Variants in RIPOR2 observed in about 807,000 individuals in gnomAD.
RIPOR2 encodes rho family-interacting cell polarization regulator 2.
A neutral mutation model predicts 114.5 loss-of-function variants in RIPOR2; 39 were observed. The observed-to-expected ratio is 0.34, with a 90% CI of 0.26 to 0.44. The LOEUF (loss-of-function observed/expected upper bound fraction) is 0.44. Among genes scored for constraint, RIPOR2 ranks in the 20% least tolerant of loss-of-function variants. The probability of loss-of-function intolerance (pLI) is 1.00; values close to 1 mark genes in which losing one functional copy is unlikely to be tolerated. For synonymous variants in RIPOR2, 445 were observed against 484.4 expected, an observed-to-expected ratio of 0.92 and a Z score of 1.07; for missense variants, 1,007 against 1,255.1, an observed-to-expected ratio of 0.80 and a Z score of 2.99.
At chr6:24,924,418 T>C (rs1010401452) in intron 1 of RIPOR2, among the ~76,000 whole-genome samples, 1 of 152,148 alleles carries the variant, frequency 6.6e-6, no homozygotes, top group Non-Finnish European at 1.5e-5. Context: ...GAGGTGTAAA[T>C]AGAAAAGACC....
chr6:25,026,018 A>G (rs1776597980), intron 1 of RIPOR2, among the ~76,000 whole-genome samples: 1 of 151,428 alleles, frequency 6.6e-6, no homozygotes, highest in Admixed American at 6.6e-5. Context: ...AAGAAATTGC[A>G]TGAGATTAAA....
At chr6:25,029,839 A>G (rs572822083) in intron 1 of RIPOR2, among the ~76,000 whole-genome samples, 1 of 152,346 alleles carries the variant, frequency 6.6e-6, no homozygotes, top group South Asian at 2.1e-4. Flanking sequence ...TGGGTTAAAA[A>G]CATGAAGTTA....
intron 19 of RIPOR2, among the ~76,000 whole-genome samples, chr6:24,824,606 T>G (rs551609148): frequency 3.9e-5 from 6 of 152,326 alleles, no homozygotes; most frequent in African/African-American, 1.4e-4. Flanking sequence ...GCTATTGAAT[T>G]AAAGCTGAGG....
intron 12 of RIPOR2, among the ~76,000 whole-genome samples, chr6:24,844,067 C>A (rs371012674): frequency 6.6e-6 from 1 of 152,132 alleles, no homozygotes; most frequent in Admixed American, 6.5e-5. Flanking sequence ...AAATCCCAAG[C>A]TCTGGAAAAT....
intron 1 of RIPOR2, among the ~76,000 whole-genome samples, chr6:24,906,151 G>A (rs1267430217): frequency 6.6e-6 from 1 of 152,080 alleles, no homozygotes; most frequent in Admixed American, 6.5e-5. Flanking sequence ...GACCTTCCTT[G>A]CAAGACATGC....
intron 14 of RIPOR2, among the ~76,000 whole-genome samples, chr6:24,837,708 C>A (rs1479743794): frequency 1.3e-5 from 2 of 152,196 alleles, no homozygotes; most frequent in African/African-American, 2.4e-5. Flanking sequence ...TCATGCCTGG[C>A]CAAATGTAGG....
At chr6:24,822,974 G>A (rs527580736) in intron 19 of RIPOR2, among the ~76,000 whole-genome samples, 1 of 152,288 alleles carries the variant, frequency 6.6e-6, no homozygotes, top group East Asian at 1.9e-4. Context: ...ACCATGCAGA[G>A]GCCACCAGCA....
At chr6:24,842,768 AT>A (rs879157821) in intron 13 of RIPOR2, 93 bp downstream of exon 13, 3,007 of 597,260 alleles carry the variant, frequency 5.0e-3, no homozygotes, top group South Asian at 6.8e-3. Context: ...ATTGGACAGG[AT>A]TTTTTTTTTA....
At chr6:24,853,463 C>G (rs185531383) in intron 8 of RIPOR2, among the ~76,000 whole-genome samples, 1 of 152,116 alleles carries the variant, frequency 6.6e-6, no homozygotes, top group East Asian at 1.9e-4. Flanking sequence ...AGCTAGGCAT[C>G]GGGGTAATAA....
chr6:24,979,150 C>A (rs1310650619), intron 1 of RIPOR2, among the ~76,000 whole-genome samples: 1 of 152,126 alleles, frequency 6.6e-6, no homozygotes, highest in African/African-American at 2.4e-5. Flanking sequence ...TAACTTTCCT[C>A]TCTCAGCTGT....
intron 15 of RIPOR2, among the ~76,000 whole-genome samples, chr6:24,833,383 C>G (rs1290737371): frequency 2.0e-5 from 3 of 152,096 alleles, no homozygotes; most frequent in African/African-American, 7.2e-5. Context: ...GGCCTGTAGT[C>G]TAAGCTACTC....
At chr6:24,825,857 C>T (rs1026440620) in intron 18 of RIPOR2, among the ~76,000 whole-genome samples, 1 of 151,980 alleles carries the variant, frequency 6.6e-6, no homozygotes, top group African/African-American at 2.4e-5. Flanking sequence ...ACCAAGTCTG[C>T]ACTGAGGCAA....
intron 1 of RIPOR2, among the ~76,000 whole-genome samples, chr6:24,984,644 C>CT (rs386406534): frequency 7.8e-5 from 4 of 51,504 alleles, no homozygotes; most frequent in Admixed American, 2.3e-4. Flanking sequence ...AGTGAGACCC[C>CT]GTCTCTCAAA....
chr6:24,959,793 T>C (rs746390004), intron 1 of RIPOR2, among the ~76,000 whole-genome samples: 30 of 152,268 alleles, frequency 2.0e-4, no homozygotes, highest in Admixed American at 3.3e-4. Flanking sequence ...CTAAACTGTA[T>C]TGGGGCAAAA....
intron 1 of RIPOR2, among the ~76,000 whole-genome samples, chr6:24,984,327 G>A (rs1774441634): frequency 6.6e-6 from 1 of 152,124 alleles, no homozygotes; most frequent in Non-Finnish European, 1.5e-5. Flanking sequence ...TTTTGGGATA[G>A]GGGGTGAAGA....
chr6:24,867,111 G>C (rs916897954), intron 6 of RIPOR2, among the ~76,000 whole-genome samples: 1 of 152,210 alleles, frequency 6.6e-6, no homozygotes, highest in Non-Finnish European at 1.5e-5. Context: ...AGGATTCTTT[G>C]TTGCTATTTA....
chr6:24,976,652 T>G (rs1179918640), intron 1 of RIPOR2: 3 of 1,609,418 alleles, frequency 1.9e-6, no homozygotes, highest in African/African-American at 2.7e-5. Context: ...TTTCACAGAA[T>G]TATTCCAGGG....
chr6:25,017,482 G>A (rs80197623), intron 1 of RIPOR2, among the ~76,000 whole-genome samples: 3 of 152,172 alleles, frequency 2.0e-5, no homozygotes, highest in African/African-American at 7.2e-5. Context: ...ATGCTCCCCA[G>A]ATTTTCTTAC....
chr6:24,808,283 C>A (rs1212819022), intron 21 of RIPOR2, among the ~76,000 whole-genome samples: 1 of 152,172 alleles, frequency 6.6e-6, no homozygotes, highest in African/African-American at 2.4e-5. Flanking sequence ...CCTTAGGTTA[C>A]ACTGGAAATA....
Sources: gnomAD v4.1 joint callset for allele counts (sites outside exome capture counted in the v4.1 genomes callset) on GRCh38, gnomAD v4.1.1 for gene constraint, MANE v1.5 for transcripts, NCBI Gene and HGNC (gene_info 2026-07-23, HGNC 2026-07-21) for gene names.